The following NAT10 variants were observed in gnomAD, a reference collection of about 807,000 sequenced individuals.
The protein encoded by NAT10 is N-acetyltransferase 10.
NAT10 carries 109 observed loss-of-function variants against 132.2 expected under a neutral mutation model. That is an observed-to-expected ratio of 0.82 (90% confidence interval 0.71 to 0.97). The LOEUF (loss-of-function observed/expected upper bound fraction) is 0.97. Among genes scored for constraint, NAT10 ranks in the 50% least tolerant of loss-of-function variants. The pLI, the probability that NAT10 is intolerant of heterozygous loss-of-function variation, is 0.00. For synonymous variants in NAT10, 479 were observed against 478.0 expected (o/e 1.00, Z -0.03); for missense variants, 1,184 against 1,263.4 (o/e 0.94, Z 0.95).
intron 6 of NAT10, among the ~76,000 whole-genome samples, chr11:34,117,199 A>G (rs1156346233): frequency 6.6e-6 from 1 of 150,478 alleles, no homozygotes; most frequent in Non-Finnish European, 1.5e-5. Context: ...TCCCAAATTT[A>G]TTTTACCAAA....
intron 9 of NAT10, among the ~76,000 whole-genome samples, chr11:34,123,422 C>A (rs1489528576): frequency 6.6e-6 from 1 of 152,258 alleles, no homozygotes; most frequent in African/African-American, 2.4e-5. Context: ...ACCGATTGAG[C>A]TCCCCAGCTT....
intron 1 of NAT10, chr11:34,107,379 A>G (rs1302763225): frequency 6.6e-6 from 1 of 152,244 alleles, no homozygotes; most frequent in Non-Finnish European, 1.5e-5. Context: ...AGTTGGACAC[A>G]TTACATCATG....
intron 4 of NAT10, among the ~76,000 whole-genome samples, chr11:34,112,602 G>A (rs1190811695): frequency 6.6e-6 from 1 of 152,180 alleles, no homozygotes; most frequent in Non-Finnish European, 1.5e-5. Context: ...TTTCCAACCG[G>A]ATATAGACCA....
At chr11:34,115,692 C>A in intron 5 of NAT10, 131 bp from the exon 6 acceptor site, 1 of 705,548 alleles carries the variant, frequency 1.4e-6, no homozygotes, top group Non-Finnish European at 2.3e-6. Context: ...TTTGGCACAG[C>A]AGTGTGTGTG....
At position 34,122,738 on chromosome 11, in the gene NAT10, C is replaced by T. The variant is rs1004689695; in HGVS notation, c.914+146C>T. The T allele has an allele frequency of 9.6e-6, 11 of 1,145,298 alleles. No individual in the cohort carries two copies. The African/African-American group carries it at 1.1e-4, about 11-fold the overall frequency. 70.9% of individuals were successfully genotyped at this position (1,145,298 alleles called of 1,614,324 possible). On this transcript the variant is annotated intron_variant, in intron 9 of 28. Transcript: ENST00000257829. ...TGTGATTTCTCTAGGTCTTGATTTCCTGCCAGGAAACAGCAGCACTGTTTC... is the reference window on the plus strand; with the variant it reads ...TGTGATTTCTCTAGGTCTTGATTTCTTGCCAGGAAACAGCAGCACTGTTTC...
At chr11:34,135,129 A>T (rs777616987) in intron 18 of NAT10, 46 bp from the exon 19 acceptor site, 21 of 1,490,092 alleles carry the variant, frequency 1.4e-5, no homozygotes, top group Middle Eastern at 3.8e-4. Context: ...TTAGACTGAG[A>T]GCAGCTCTCT....
At chr11:34,135,418 C>T in intron 19 of NAT10, 127 bp downstream of exon 19, 2 of 716,788 alleles carry the variant, frequency 2.8e-6, no homozygotes, top group Admixed American at 2.3e-5. Context: ...CTGCTGCTTT[C>T]TCCTACCGAA....
chr11:34,109,749 C>G (rs1367890967), intron 3 of NAT10, among the ~76,000 whole-genome samples: 1 of 152,218 alleles, frequency 6.6e-6, no homozygotes, highest in Non-Finnish European at 1.5e-5. Flanking sequence ...GCTCTGCTCA[C>G]GGGTGATCTA....
At position 34,137,010 on chromosome 11, in the gene NAT10, A is replaced by C. The variant is rs1025147164; in HGVS notation, c.2195A>C (p.Tyr732Ser). ...AAACGAGCTGGATTTGTTCCTGTTT[A>C]TCTGAGACAGACCCCGGTGAGTGAG... Reference protein sequence around the residue: ...FWKRAGFVPVYLRQTPNDLTG... With the variant: ...FWKRAGFVPVSLRQTPNDLTG... The change falls in exon 21 of 29, where the codon TAT (tyrosine) becomes TCT (serine). Residue 732 changes from tyrosine (Y) to serine (S), a missense_variant. Transcript: ENST00000257829. 6.2e-7 allele frequency: 1 copy of C among 1,614,178 alleles called. No homozygotes were observed. Among genetic ancestry groups the C allele is most frequent in the Non-Finnish European group, 8.5e-7 (1 of 1,180,018 alleles).
chr11:34,141,412 A>ATT (rs1565120149), intron 25 of NAT10, among the ~76,000 whole-genome samples: 1 of 79,640 alleles, frequency 1.3e-5, no homozygotes, highest in Admixed American at 1.1e-4. Flanking sequence ...CACACATCAC[A>ATT]CACACACACA....
At chr11:34,131,332 C>T in intron 13 of NAT10, 49 bp from the exon 14 acceptor site, 1 of 1,562,896 alleles carries the variant, frequency 6.4e-7, no homozygotes, top group East Asian at 2.3e-5. Flanking sequence ...TTAGACAATA[C>T]ATATTTAATC....
intron 9 of NAT10, 137 bp downstream of exon 9, chr11:34,122,729 C>T: frequency 8.5e-7 from 1 of 1,179,692 alleles, no homozygotes; most frequent in Non-Finnish European, 1.2e-6. Flanking sequence ...TTCTCTAGGT[C>T]TTGATTTCCT....
At chr11:34,123,677 G>C in intron 9 of NAT10, 85 bp from the exon 10 acceptor site, 4 of 1,104,576 alleles carry the variant, frequency 3.6e-6, no homozygotes, top group Non-Finnish European at 5.3e-6. Flanking sequence ...TGGGACAGGA[G>C]CAAACAAAAA....
chr11:34,141,792 C>T lies in NAT10; in HGVS notation c.2786C>T (p.Thr929Met), dbSNP rs140934116. Residue 929 changes from threonine (T) to methionine (M), a missense_variant, in exon 26 of 29, where the codon ACG becomes ATG. Coordinates refer to ENST00000257829, the MANE Select transcript of NAT10 (RefSeq NM_024662.3). The stretch of plus-strand genomic sequence containing the variant: ...GCGAAGGATGTGGTCATGGAGCCCA[C>T]GATGAAGACCCTCAGTGACGACCTA... ...VAAKDVVMEP[T>M]MKTLSDDLDE... The T allele has an allele frequency of 2.5e-4, 410 of 1,613,882 alleles. 1 individual carries two copies. In the African/African-American group the frequency reaches 3.5e-3, roughly 14 times the overall value.
chr11:34,118,538 T>C (rs574922562), intron 8 of NAT10, 35 bp downstream of exon 8: 4 of 1,551,848 alleles, frequency 2.6e-6, no homozygotes, highest in African/African-American at 2.7e-5. Flanking sequence ...AACACAAAGG[T>C]AGTAAAACAT....
At chr11:34,129,139 C>G (rs1852053766) in intron 12 of NAT10, among the ~76,000 whole-genome samples, 1 of 152,150 alleles carries the variant, frequency 6.6e-6, no homozygotes, top group African/African-American at 2.4e-5. Context: ...ACATGTTTTT[C>G]AGTTCTCTTA....
chr11:34,106,636 C>G (rs1851599167), intron 1 of NAT10, among the ~76,000 whole-genome samples: 1 of 152,140 alleles, frequency 6.6e-6, no homozygotes. Flanking sequence ...ACAAGGTTTA[C>G]AAGTTGGGAA....
At chr11:34,131,190 C>G (rs1852098867) in intron 13 of NAT10, among the ~76,000 whole-genome samples, 191 bp from the exon 14 acceptor site, 1 of 152,234 alleles carries the variant, frequency 6.6e-6, no homozygotes, top group Middle Eastern at 3.4e-3. Context: ...GCATTGAGAT[C>G]CCTTTGGGGT....
intron 19 of NAT10, 134 bp downstream of exon 19, chr11:34,135,425 C>T (rs1263710085): frequency 1.7e-5 from 12 of 693,058 alleles, no homozygotes; most frequent in South Asian, 5.2e-5. Context: ...TTTCTCCTAC[C>T]GAACACTTTA....
Sources: gnomAD v4.1 joint callset for allele counts (sites outside exome capture counted in the v4.1 genomes callset) on GRCh38, gnomAD v4.1.1 for gene constraint, MANE v1.5 for transcripts, NCBI Gene and HGNC (gene_info 2026-07-23, HGNC 2026-07-21) for gene names.